The following DRG1 variants were observed in gnomAD, a reference collection of about 807,000 sequenced individuals.
DRG1 encodes developmentally regulated GTP binding protein 1.
Under a neutral mutation model 38.8 loss-of-function variants are expected in DRG1, and 19 were observed. The ratio of observed to expected loss-of-function variants is 0.49; its 90% CI spans 0.34 to 0.72. The LOEUF (loss-of-function observed/expected upper bound fraction) is 0.72, where lower values mean the gene tolerates loss of function less well. Among genes scored for constraint, DRG1 ranks in the 30% least tolerant of loss-of-function variants. DRG1 has a pLI of 0.01. For synonymous variants in DRG1, 167 were observed against 157.5 expected (o/e 1.06, Z -0.45); for missense variants, 299 against 444.8 (o/e 0.67, Z 2.95).
rs1022442309 is a variant in DRG1, at chr22:31,400,893, A to T, written c.166+150A>T. On this transcript the variant is annotated intron_variant, in intron 2 of 8. Coordinates refer to ENST00000331457, the MANE Select transcript of DRG1 (RefSeq NM_004147.4). Reference sequence around the variant, plus strand: ...GCTGGGAGGCTGAGATAGGAGGATCACTTGAGGCCAGGAGTTCAAGACCAG... The same window carrying T: ...GCTGGGAGGCTGAGATAGGAGGATCTCTTGAGGCCAGGAGTTCAAGACCAG... 1.3e-5 allele frequency: 12 copies of T among 925,280 alleles called. No individual in the cohort carries two copies. The African/African-American group carries it at 1.9e-4, about 14-fold the overall frequency. 57.3% of individuals were successfully genotyped at this position (925,280 alleles called of 1,614,324 possible).
chr22:31,402,504 CCT>C (rs1491426037), intron 2 of DRG1, among the ~76,000 whole-genome samples: 5 of 111,998 alleles, frequency 4.5e-5, no homozygotes, highest in Non-Finnish European at 9.8e-5. Flanking sequence ...TTGGGCTGTA[CCT>C]TTTTTTTTTT....
At chr22:31,410,828 A>T (rs1013622967) in intron 3 of DRG1, among the ~76,000 whole-genome samples, 184 bp from the exon 4 acceptor site, 1 of 152,170 alleles carries the variant, frequency 6.6e-6, no homozygotes, top group East Asian at 1.9e-4. Context: ...AAAAAAAAAA[A>T]GCCTGTAGCT....
At chr22:31,400,047 G>T (rs1324551005) in intron 1 of DRG1, among the ~76,000 whole-genome samples, 1 of 151,586 alleles carries the variant, frequency 6.6e-6, no homozygotes, top group Non-Finnish European at 1.5e-5. Flanking sequence ...GTTTCTTTCC[G>T]TTTTGCTCTG....
At chr22:31,433,455 G>A (rs922022694) in intron 8 of DRG1, among the ~76,000 whole-genome samples, 8 of 151,984 alleles carry the variant, frequency 5.3e-5, no homozygotes, top group African/African-American at 1.9e-4. Context: ...ATTTTTAGTG[G>A]AGACGGGGTT....
chr22:31,417,111 C>T (rs562933063), intron 4 of DRG1, among the ~76,000 whole-genome samples: 1 of 150,084 alleles, frequency 6.7e-6, no homozygotes, highest in East Asian at 2.0e-4. Flanking sequence ...GTGGCTCACA[C>T]CTGTAATTCC....
At chr22:31,419,798 C>CT (rs2050066120) in intron 4 of DRG1, among the ~76,000 whole-genome samples, 1 of 152,118 alleles carries the variant, frequency 6.6e-6, no homozygotes, top group South Asian at 2.1e-4. Context: ...AATCCTAGCA[C>CT]TTTGGGAGGC....
At chr22:31,402,798 C>T (rs561417130) in intron 2 of DRG1, among the ~76,000 whole-genome samples, 29 of 152,294 alleles carry the variant, frequency 1.9e-4, no homozygotes, top group African/African-American at 6.5e-4. Flanking sequence ...ATGTGTGCCA[C>T]TGTGCCTGAC....
intron 3 of DRG1, among the ~76,000 whole-genome samples, chr22:31,403,441 GC>G (rs564755839): frequency 1.0e-3 from 153 of 152,148 alleles, no homozygotes; most frequent in African/African-American, 3.4e-3. Context: ...GCCAAGGCGG[GC>G]AGATCACCTG....
intron 4 of DRG1, 73 bp from the exon 5 acceptor site, chr22:31,420,183 C>A: frequency 6.5e-7 from 1 of 1,530,318 alleles, no homozygotes; most frequent in Non-Finnish European, 8.8e-7. Flanking sequence ...GGAAAAAACA[C>A]CTCTACTTGA....
At chr22:31,414,562 T>G (rs1054080763) in intron 4 of DRG1, among the ~76,000 whole-genome samples, 2 of 152,150 alleles carry the variant, frequency 1.3e-5, no homozygotes, top group Non-Finnish European at 2.9e-5. Context: ...AACTTTTAGG[T>G]CAAATCTTTT....
rs956883523 is a variant in DRG1, at chr22:31,434,002, A to G, written c.*31A>G. The G allele has an allele frequency of 2.5e-6, 4 of 1,598,380 alleles. No homozygotes were observed. The highest frequency in any genetic ancestry group is 3.4e-6 in the Non-Finnish European group (4 of 1,166,932). ...TTCCCTTTTCCCATCTGCCGGACGA[A>G]CCACAACAGCGTTCCCCATGATCAA... On this transcript the variant is annotated 3_prime_UTR_variant, in exon 9 of 9. Coordinates refer to ENST00000331457, the MANE Select transcript of DRG1 (RefSeq NM_004147.4).
intron 8 of DRG1, among the ~76,000 whole-genome samples, chr22:31,430,781 C>G (rs951084127): frequency 2.6e-5 from 4 of 152,034 alleles, no homozygotes; most frequent in Non-Finnish European, 4.4e-5. Flanking sequence ...TGCGGTGGCT[C>G]TGTCACAGCT....
At position 31,411,028 on chromosome 22, in the gene DRG1, G is replaced by GT; in HGVS notation, c.360dup (p.Ile121TyrfsTer3). On this transcript the variant is annotated frameshift_variant, in exon 4 of 9. Transcript: ENST00000331457. LOFTEE classifies it high-confidence loss of function. ...ATCTTGCAGCTCCTGGATCTCCCAGGTATCATTGAAGGTGCCAAGGATGGG... is the reference window on the plus strand; with the variant it reads ...ATCTTGCAGCTCCTGGATCTCCCAGGTTATCATTGAAGGTGCCAAGGATGGG... 6.2e-7 allele frequency: 1 copy of GT among 1,613,862 alleles called. No individual in the cohort carries two copies. Among genetic ancestry groups the GT allele is most frequent in the Non-Finnish European group, 8.5e-7 (1 of 1,179,856 alleles).
intron 4 of DRG1, among the ~76,000 whole-genome samples, chr22:31,417,366 T>G (rs1422935166): frequency 6.9e-6 from 1 of 145,298 alleles, no homozygotes; most frequent in African/African-American, 2.6e-5. Context: ...CAAGACTCTG[T>G]GTCAAAAAAT....
chr22:31,403,819 C>T lies in DRG1; in HGVS notation c.342+615C>T, dbSNP rs1249347826. On this transcript the variant is annotated intron_variant, in intron 3 of 8. Transcript: ENST00000331457. The stretch of plus-strand genomic sequence containing the variant: ...TTTAATGACCCTTTTTCCAGCTGGT[C>T]AGGTGCCCATGCAGAGACACATGTC... Among the ~76,000 whole-genome samples the T allele has an allele frequency of 7.2e-5, 11 of 151,930 alleles. No individual in the cohort carries two copies. In the East Asian group the frequency reaches 2.0e-3, roughly 27 times the overall value.
chr22:31,429,025 T>C (rs1473604346), intron 8 of DRG1, among the ~76,000 whole-genome samples: 1 of 152,160 alleles, frequency 6.6e-6, no homozygotes, highest in Non-Finnish European at 1.5e-5. Flanking sequence ...AGTATTTTTC[T>C]CTCCGTATTT....
chr22:31,408,296 C>T (rs1290809480), intron 3 of DRG1, among the ~76,000 whole-genome samples: 4 of 146,342 alleles, frequency 2.7e-5, no homozygotes, highest in East Asian at 2.3e-4. Context: ...CCCGCCACTA[C>T]GCCCCACTAA....
intron 3 of DRG1, among the ~76,000 whole-genome samples, chr22:31,410,515 A>G (rs1005439948): frequency 1.3e-5 from 2 of 150,918 alleles, no homozygotes; most frequent in Non-Finnish European, 3.0e-5. Context: ...CTAACAGACA[A>G]ACAAAAAACG....
chr22:31,405,940 G>A (rs992595111), intron 3 of DRG1, among the ~76,000 whole-genome samples: 1 of 151,780 alleles, frequency 6.6e-6, no homozygotes, highest in East Asian at 1.9e-4. Flanking sequence ...CACCCGCCTC[G>A]GCCTCCCAAA....
Sources: allele counts gnomAD v4.1 joint callset (sites outside exome capture counted in the v4.1 genomes callset), GRCh38; gene constraint gnomAD v4.1.1; transcripts MANE v1.5; gene names NCBI Gene and HGNC (gene_info 2026-07-23, HGNC 2026-07-21).